SAMD12: variants seen among roughly 807,000 people sequenced by gnomAD.
SAMD12 encodes sterile alpha motif domain containing 12.
In SAMD12, 9 loss-of-function variants were observed where a neutral mutation model predicts 15.0. The observed-to-expected ratio is 0.60, with a 90% CI of 0.36 to 1.05. SAMD12 has a LOEUF of 1.05. SAMD12 is among the 50% of genes least tolerant of loss of function. The pLI is 0.01. For synonymous variants in SAMD12, 86 were observed against 90.1 expected, an observed-to-expected ratio of 0.96 and a Z score of 0.25; for missense variants, 230 against 234.2, an observed-to-expected ratio of 0.98 and a Z score of 0.12.
intron 2 of SAMD12, among the ~76,000 whole-genome samples, chr8:118,548,376 AACACACATACACACACACACACACACAC>A: frequency 7.9e-6 from 1 of 126,808 alleles, no homozygotes; most frequent in South Asian, 2.6e-4. Flanking sequence ...TTACACTAAA[AACACACATACACACACACACACACACAC>A]ACACACACAC....
chr8:118,389,941 T>C (rs771453073), intron 3 of SAMD12, among the ~76,000 whole-genome samples: 1 of 152,154 alleles, frequency 6.6e-6, no homozygotes, highest in Non-Finnish European at 1.5e-5. Context: ...ATTACGTATA[T>C]ATGGGTCATA....
intron 2 of SAMD12, among the ~76,000 whole-genome samples, chr8:118,457,953 A>G (rs1823308311): frequency 1.3e-5 from 2 of 152,220 alleles, no homozygotes; most frequent in Admixed American, 6.5e-5. Context: ...CAGGACCATA[A>G]ATAGAAATCT....
At position 118,440,657 on chromosome 8, in the gene SAMD12, A is replaced by AACACACACACACACAC. The variant is rs34419362; in HGVS notation, c.193-712_193-697dup. Among the ~76,000 whole-genome samples the AACACACACACACACAC allele has an allele frequency of 4.5e-3, 636 of 142,178 alleles. 2 individuals carry two copies. Among genetic ancestry groups the AACACACACACACACAC allele is most frequent in the Non-Finnish European group, 5.4e-3 (354 of 65,922 alleles). 93.3% of individuals were successfully genotyped at this position (142,178 alleles called of 152,430 possible). On this transcript the variant is annotated intron_variant, in intron 2 of 3. Coordinates refer to ENST00000314727, the MANE Select transcript of SAMD12 (RefSeq NM_207506.3). ...CTTTCAGGGAAGTATTTATGAGGAA[A>AACACACACACACACAC]ACACACACACACACACACACACACA...
intron 3 of SAMD12, among the ~76,000 whole-genome samples, chr8:118,430,097 G>C (rs920232995): frequency 2.0e-5 from 3 of 152,090 alleles, no homozygotes; most frequent in Admixed American, 6.5e-5. Context: ...TTTGTCAAAT[G>C]CTTTCTCTGC....
At chr8:118,430,134 C>T (rs755299355) in intron 3 of SAMD12, among the ~76,000 whole-genome samples, 7 of 152,112 alleles carry the variant, frequency 4.6e-5, no homozygotes, top group Non-Finnish European at 8.8e-5. Flanking sequence ...GTATATTGGA[C>T]ATACATTCTA....
At chr8:118,507,440 G>A (rs113514934) in intron 2 of SAMD12, among the ~76,000 whole-genome samples, 3,585 of 151,910 alleles carry the variant, frequency 0.024, 113 homozygotes, top group African/African-American at 0.076. Flanking sequence ...ATGATGTACC[G>A]AGCCTGATAC....
chr8:118,359,087 T>C (rs1454510005), intron 4 of SAMD12, among the ~76,000 whole-genome samples: 1 of 152,128 alleles, frequency 6.6e-6, no homozygotes, highest in Non-Finnish European at 1.5e-5. Context: ...GGCTGAATTA[T>C]TCCCTGCCCC....
intron 2 of SAMD12, among the ~76,000 whole-genome samples, chr8:118,548,904 C>G (rs1026856177): frequency 1.3e-5 from 2 of 152,252 alleles, no homozygotes; most frequent in Non-Finnish European, 2.9e-5. Context: ...GGGTCCTACG[C>G]CCACGGAGTC....
Position 118,236,706 on chromosome 8 carries a change from T to C in SAMD12, c.434-38974A>G, listed in dbSNP as rs370280264. The stretch of plus-strand genomic sequence containing the variant: ...TCCATCTTCTGTAAGAAATTTGATA[T>C]GGAGACTGAATAGAACAATATATTT... On this transcript the variant is annotated intron_variant, in intron 4 of 4. Transcript: ENST00000409003. 2.7e-3 allele frequency among the ~76,000 whole-genome samples: 416 copies of C among 152,316 alleles called. 3 individuals are homozygous for C. The highest frequency in any genetic ancestry group is 9.4e-3 in the African/African-American group (389 of 41,572).
intron 4 of SAMD12, among the ~76,000 whole-genome samples, chr8:118,309,466 C>G (rs1049776680): frequency 6.6e-6 from 1 of 151,186 alleles, no homozygotes; most frequent in African/African-American, 2.4e-5. Flanking sequence ...TGGGCCAGTT[C>G]CATATTTTTG....
At chr8:118,240,059 G>A (rs190746667) in intron 4 of SAMD12, 167 of 152,224 alleles carry the variant, frequency 1.1e-3, no homozygotes, top group African/African-American at 3.8e-3. Context: ...CTAGCTCATA[G>A]GTTATCTCAG....
chr8:118,301,222 G>A (rs1234703980), intron 4 of SAMD12, among the ~76,000 whole-genome samples: 1 of 152,102 alleles, frequency 6.6e-6, no homozygotes, highest in African/African-American at 2.4e-5. Flanking sequence ...CACTAGATGT[G>A]AATAACTAGC....
chr8:118,585,102 A>G (rs1054508418), intron 1 of SAMD12, among the ~76,000 whole-genome samples: 1 of 152,218 alleles, frequency 6.6e-6, no homozygotes. Context: ...ATATAATGAA[A>G]TATTTTGCGC....
At chr8:118,423,022 C>G (rs1047968509) in intron 3 of SAMD12, among the ~76,000 whole-genome samples, 1 of 152,054 alleles carries the variant, frequency 6.6e-6, no homozygotes, top group Non-Finnish European at 1.5e-5. Flanking sequence ...AATAAAAATA[C>G]AAAAAAATTT....
At chr8:118,479,403 G>A (rs1824056159) in intron 2 of SAMD12, among the ~76,000 whole-genome samples, 1 of 152,178 alleles carries the variant, frequency 6.6e-6, no homozygotes. Flanking sequence ...GAAGGTGAAA[G>A]GCACCTCTTA....
intron 4 of SAMD12, among the ~76,000 whole-genome samples, chr8:118,318,329 T>TATATATATATAC (rs1816041837): frequency 1.3e-5 from 1 of 76,144 alleles, no homozygotes; most frequent in Non-Finnish European, 2.9e-5. Context: ...TATATATATA[T>TATATATATATAC]ATATATATAT....
intron 4 of SAMD12, among the ~76,000 whole-genome samples, chr8:118,369,614 T>C (rs1035063158): frequency 1.4e-4 from 21 of 151,604 alleles, no homozygotes; most frequent in African/African-American, 4.8e-4. Flanking sequence ...ACTCAGGAGG[T>C]TGAAGCAGGA....
At chr8:118,406,205 T>C (rs1233242256) in intron 3 of SAMD12, among the ~76,000 whole-genome samples, 1 of 151,698 alleles carries the variant, frequency 6.6e-6, no homozygotes, top group African/African-American at 2.4e-5. Context: ...ACAAACACTA[T>C]GGATTCTTTT....
At chr8:118,399,033 G>A (rs991205867) in intron 3 of SAMD12, among the ~76,000 whole-genome samples, 2 of 151,878 alleles carry the variant, frequency 1.3e-5, no homozygotes, top group African/African-American at 4.8e-5. Context: ...ACAGGCACAG[G>A]CCACCACACC....
Sources: gnomAD v4.1 joint callset for allele counts (sites outside exome capture counted in the v4.1 genomes callset) on GRCh38, gnomAD v4.1.1 for gene constraint, MANE v1.5 for transcripts, NCBI Gene and HGNC (gene_info 2026-07-23, HGNC 2026-07-21) for gene names.